Variants in RACGAP1 observed in about 807,000 individuals in gnomAD.
The protein encoded by RACGAP1 is rac GTPase-activating protein 1.
A neutral mutation model predicts 78.1 loss-of-function variants in RACGAP1; 30 were observed. That is an observed-to-expected ratio of 0.38 (90% CI 0.29 to 0.52). The LOEUF (loss-of-function observed/expected upper bound fraction) is 0.52, where lower values mean the gene tolerates loss of function less well. Among genes scored for constraint, RACGAP1 ranks in the 20% least tolerant of loss-of-function variants. The pLI is 0.82. For missense variants in RACGAP1, 587 were observed against 777.1 expected (o/e 0.76, Z 2.91); for synonymous variants, 231 against 264.8 (o/e 0.87, Z 1.24).
At chr12:50,012,555 C>T (rs1949410916) in intron 2 of RACGAP1, among the ~76,000 whole-genome samples, 1 of 149,862 alleles carries the variant, frequency 6.7e-6, no homozygotes, top group Non-Finnish European at 1.5e-5. Flanking sequence ...GAGTGAAACT[C>T]CATCTCAAAA....
At chr12:50,017,216 A>G in intron 1 of RACGAP1, 4 of 395,892 alleles carry the variant, frequency 1.0e-5, no homozygotes, top group Non-Finnish European at 3.4e-6. Flanking sequence ...TACCAAAAGC[A>G]CAGATGACGT....
rs1381845234 is a variant in RACGAP1 at position 49,992,004 on chromosome 12, T to C, written c.1708A>G (p.Ile570Val). The C allele has an allele frequency of 1.2e-6, 2 of 1,613,770 alleles. No individual in the cohort carries two copies. The highest frequency in any genetic ancestry group is 1.7e-6 in the Non-Finnish European group (2 of 1,179,984). Residue 570 changes from isoleucine to valine, a missense_variant, in exon 15 of 17, where the codon ATT becomes GTT. Coordinates refer to ENST00000312377, the MANE Select transcript of RACGAP1 (RefSeq NM_001319999.2). ...AGCACATCTTGGGCCTTACCTTTAA[T>C]ATCTGGTGTCTGTGGTGTTGAAAAG... ...NAFSTPQTPD[I>V]KVSLLGPVTT...
chr12:49,998,755 C>T (rs537916090), intron 9 of RACGAP1, among the ~76,000 whole-genome samples: 2 of 151,434 alleles, frequency 1.3e-5, no homozygotes, highest in African/African-American at 2.4e-5. Flanking sequence ...AAAAATTAGC[C>T]GGGCGTGGTG....
rs141436857 is a variant in RACGAP1 at position 49,994,446 on chromosome 12, C to T, written c.1108G>A (p.Val370Ile). ...AGACCTCTTTGCTCAATCTCATTTA[C>T]ACAATGCACAACAATGGAGGGGATC... ...PMIPSIVVHCVNEIEQRGLTE... is the reference protein window; with the variant it reads ...PMIPSIVVHCINEIEQRGLTE... Residue 370 changes from valine (V) to isoleucine (I), a missense_variant, in exon 11 of 17, where the codon GTA becomes ATA. Transcript: ENST00000312377. 39 of 1,613,958 alleles carry T rather than the reference C, an allele frequency of 2.4e-5. No homozygotes were observed. Among genetic ancestry groups the T allele is most frequent in the Non-Finnish European group, 3.2e-5 (38 of 1,180,022 alleles).
chr12:50,005,152 T>C (rs1051000803), intron 4 of RACGAP1, 104 bp downstream of exon 4: 1 of 1,532,972 alleles, frequency 6.5e-7, no homozygotes, highest in African/African-American at 1.4e-5. Context: ...TCTGCTTTTT[T>C]CAGCACACAT....
At chr12:50,012,293 G>A (rs1194360660) in intron 2 of RACGAP1, among the ~76,000 whole-genome samples, 1 of 152,172 alleles carries the variant, frequency 6.6e-6, no homozygotes, top group Non-Finnish European at 1.5e-5. Context: ...AGGCGCGGTG[G>A]CTCACGCCTG....
chr12:50,005,420 A>G (rs1245247230), intron 3 of RACGAP1, 28 bp from the exon 4 acceptor site: 5 of 1,612,158 alleles, frequency 3.1e-6, no homozygotes, highest in South Asian at 1.1e-5. Flanking sequence ...GTAAAACATC[A>G]TAACTAGCCA....
chr12:49,999,834 A>G, intron 7 of RACGAP1, 101 bp from the exon 8 acceptor site: 1 of 857,234 alleles, frequency 1.2e-6, no homozygotes, highest in Admixed American at 1.9e-5. Context: ...AGTCTTAGTC[A>G]AGACTTAAGA....
Position 49,994,347 on chromosome 12 carries a change from T to C in RACGAP1, c.1141-18A>G, listed in dbSNP as rs1250342931. ...AGGCCTGTCTATTATCAAGATGACA[T>C]TTTTATTTAAAAACCTCCGAATTAA... is the stretch of plus-strand genomic sequence containing the variant. On this transcript the variant is annotated intron_variant, in intron 11 of 16. Coordinates refer to ENST00000312377, the MANE Select transcript of RACGAP1 (RefSeq NM_001319999.2). 6.2e-7 allele frequency: 1 copy of C among 1,612,746 alleles called. No individual in the cohort carries two copies. Among genetic ancestry groups the C allele is most frequent in the Admixed American group, 1.7e-5 (1 of 59,730 alleles).
chr12:50,032,173 T>C (rs1171353481), intron 1 of RACGAP1, among the ~76,000 whole-genome samples: 1 of 151,790 alleles, frequency 6.6e-6, no homozygotes, highest in Non-Finnish European at 1.5e-5. Context: ...ATAATAATAA[T>C]AGTTATTTCC....
chr12:50,014,270 G>A lies in RACGAP1; in HGVS notation c.85+2361C>T, dbSNP rs558123807. On this transcript the variant is annotated intron_variant, in intron 2 of 16. Coordinates refer to ENST00000312377, the MANE Select transcript of RACGAP1 (RefSeq NM_001319999.2). ...ATAGGACAGGATGGTAATACAAAGAGAAGCTGGTATAGAATAATTCCCTTG... is the reference window on the plus strand; with the variant it reads ...ATAGGACAGGATGGTAATACAAAGAAAAGCTGGTATAGAATAATTCCCTTG... 5.3e-5 allele frequency among the ~76,000 whole-genome samples: 8 copies of A among 152,324 alleles called. 1 individual carries two copies. In the Middle Eastern group the frequency reaches 0.02, roughly 389 times the overall value.
At chr12:49,998,933 G>A (rs1488174306) in intron 9 of RACGAP1, among the ~76,000 whole-genome samples, 1 of 151,816 alleles carries the variant, frequency 6.6e-6, no homozygotes, top group African/African-American at 2.4e-5. Flanking sequence ...AATTGCTTCA[G>A]AAAAGTTGGT....
intron 15 of RACGAP1, among the ~76,000 whole-genome samples, chr12:49,991,474 TATA>T (rs1565654018): frequency 1.8e-4 from 6 of 33,986 alleles, no homozygotes; most frequent in African/African-American, 3.8e-4. Flanking sequence ...TATATATATA[TATA>T]TATTTTTTTT....
At chr12:50,012,590 T>A (rs531598626) in intron 2 of RACGAP1, among the ~76,000 whole-genome samples, 10 of 148,318 alleles carry the variant, frequency 6.7e-5, no homozygotes, top group African/African-American at 2.5e-4. Flanking sequence ...AATAAATAAA[T>A]AAAAATAAAA....
intron 15 of RACGAP1, 128 bp from the exon 16 acceptor site, chr12:49,990,920 G>C: frequency 1.5e-6 from 1 of 647,726 alleles, no homozygotes; most frequent in Non-Finnish European, 2.7e-6. Context: ...CAAAGTCCCA[G>C]AGATCATTTT....
rs777138582 is a variant in RACGAP1, at chr12:49,994,298, C to T, written c.1172G>A (p.Arg391His). The part of the protein sequence containing the change: ...TGLYRISGCD[R>H]TVKELKEKFL... ...TTTCTCTTTCAGCTCTTTTACTGTG[C>T]GGTCACAGCCAGAGATCCTATACAG... is the stretch of plus-strand genomic sequence containing the variant. The change falls in exon 12 of 17, where the codon CGC becomes CAC. Residue 391 changes from arginine (R) to histidine (H), a missense_variant. By Grantham distance (29) the Arg-to-His change is conservative (BLOSUM62 0). Coordinates refer to ENST00000312377, the MANE Select transcript of RACGAP1 (RefSeq NM_001319999.2). The T allele has an allele frequency of 1.4e-5, 23 of 1,614,094 alleles. No individual in the cohort carries two copies. Among genetic ancestry groups the T allele is most frequent in the Admixed American group, 3.3e-5 (2 of 60,010 alleles).
Position 50,006,443 on chromosome 12 carries a change from G to A in RACGAP1, c.279C>T (p.Cys93=), listed in dbSNP as rs964211989. Residue 93 remains cysteine, a synonymous_variant, in exon 3 of 17, where the codon TGC becomes TGT. Transcript: ENST00000312377. ...IKRRQRAEAD[C]EKLERQIQLI... is the part of the protein sequence containing the mutation. The stretch of plus-strand genomic sequence containing the variant: ...GGAAAACAATACACACCAGCTTTTC[G>A]CAGTCAGCCTCAGCTCTCTGTCTCC... 14 of 1,613,894 alleles carry A rather than the reference G, an allele frequency of 8.7e-6. No homozygotes were observed. Among genetic ancestry groups the A allele is most frequent in the Middle Eastern group, 1.6e-4 (1 of 6,080 alleles).
intron 15 of RACGAP1, among the ~76,000 whole-genome samples, chr12:49,991,734 G>A (rs189686979): frequency 2.7e-4 from 41 of 151,186 alleles, no homozygotes; most frequent in Middle Eastern, 3.4e-3. Flanking sequence ...TGATCCGTCC[G>A]CCTCAGCCTC....
Position 49,997,272 on chromosome 12 carries a change from CT to C in RACGAP1, c.880-69del, listed in dbSNP as rs540814831. 0.21 allele frequency: 226,226 copies of C among 1,084,230 alleles called. 260 individuals carry two copies. The highest frequency in any genetic ancestry group is 0.23 in the South Asian group (8,586 of 37,184). 67.2% of individuals were successfully genotyped at this position (1,084,230 alleles called of 1,614,324 possible). ...GAAAATTATCATCATAATCAACTAA[CT>C]TTTTTTTTTTTTTTTTTTTGAGACC... On this transcript the variant is annotated intron_variant, in intron 9 of 16. Coordinates refer to ENST00000312377, the MANE Select transcript of RACGAP1 (RefSeq NM_001319999.2).
Sources: gnomAD v4.1 joint callset for allele counts (sites outside exome capture counted in the v4.1 genomes callset) on GRCh38, gnomAD v4.1.1 for gene constraint, MANE v1.5 for transcripts, NCBI Gene and HGNC (gene_info 2026-07-23, HGNC 2026-07-21) for gene names.